DNAJC13: variants seen among roughly 807,000 people sequenced by gnomAD.
DNAJC13 encodes dnaJ homolog subfamily C member 13.
Under a neutral mutation model 290.5 loss-of-function variants are expected in DNAJC13, and 75 were observed. The observed-to-expected ratio is 0.26, with a 90% CI of 0.21 to 0.31. DNAJC13 has a LOEUF of 0.31. Ranked by LOEUF, DNAJC13 falls within the 10% of genes least tolerant of loss-of-function variation. DNAJC13 has a pLI of 1.00. For missense variants in DNAJC13, 2,260 were observed against 2,674.5 expected, an observed-to-expected ratio of 0.85 and a Z score of 3.42; for synonymous variants, 862 against 892.0, an observed-to-expected ratio of 0.97 and a Z score of 0.60.
rs1034896869 is a variant in DNAJC13 at position 132,449,685 on chromosome 3, T to A, written c.337-962T>A. On this transcript the variant is annotated intron_variant, in intron 5 of 55. Transcript: ENST00000260818. ...TTACTTAGTGCTTCACTCTCTTTTC[T>A]GAAAACCTAGAAGATAATTTCTTAT... Among the ~76,000 whole-genome samples, 3 of 152,196 alleles carry A rather than the reference T, an allele frequency of 2.0e-5. No homozygotes were observed. The East Asian group carries it at 5.8e-4, about 29-fold the overall frequency.
chr3:132,503,461 T>C (rs1333847691), intron 41 of DNAJC13, 80 bp downstream of exon 41: 28 of 1,480,784 alleles, frequency 1.9e-5, no homozygotes, highest in Non-Finnish European at 2.4e-5. Context: ...ATAATATTGA[T>C]CTAGGGAACC....
At chr3:132,471,644 G>T (rs1251582285) in intron 20 of DNAJC13, among the ~76,000 whole-genome samples, 1 of 132,788 alleles carries the variant, frequency 7.5e-6, no homozygotes, top group Non-Finnish European at 1.6e-5. Flanking sequence ...CATCTCAGAC[G>T]ATGGGCGGCC....
intron 1 of DNAJC13, among the ~76,000 whole-genome samples, chr3:132,423,846 G>A (rs752311267): frequency 4.6e-5 from 7 of 152,098 alleles, no homozygotes; most frequent in Non-Finnish European, 8.8e-5. Flanking sequence ...ATTTAGTCCC[G>A]CATTATGCAT....
chr3:132,460,199 G>A (rs1213204539), intron 13 of DNAJC13, 51 bp from the exon 14 acceptor site: 3 of 1,230,230 alleles, frequency 2.4e-6, no homozygotes, highest in Non-Finnish European at 3.5e-6. Flanking sequence ...CGTGATGCTA[G>A]CACATGGGAC....
At chr3:132,424,993 T>G (rs562740864) in intron 1 of DNAJC13, among the ~76,000 whole-genome samples, 2 of 152,256 alleles carry the variant, frequency 1.3e-5, no homozygotes, top group Admixed American at 6.5e-5. Flanking sequence ...CTAAACAGTT[T>G]AGTTGTAGCT....
In DNAJC13 at chr3:132,516,722, TG is replaced by T. The variant is rs1325923643; in HGVS notation, c.5581del (p.Asp1861IlefsTer22). 2 of 1,612,694 alleles carry T rather than the reference TG, an allele frequency of 1.2e-6. No individual in the cohort carries two copies. Among genetic ancestry groups the T allele is most frequent in the African/African-American group, 2.7e-5 (2 of 74,854 alleles). On this transcript the variant is annotated frameshift_variant, in exon 48 of 56. Coordinates refer to ENST00000260818, the MANE Select transcript of DNAJC13 (RefSeq NM_015268.4). LOFTEE classifies it high-confidence loss of function. ...TTCATAGGTGCTTTGATCTATTTAC[TG>T]GATATGTTCTGCAATTCAACACATC... ...AMAKGALIYLLDMFCNSTHPQ... is the reference protein window; with the variant it reads ...AMAKGALIYLXDMFCNSTHPQ...
At chr3:132,479,921 A>G (rs547424905) in intron 25 of DNAJC13, among the ~76,000 whole-genome samples, 1 of 152,300 alleles carries the variant, frequency 6.6e-6, no homozygotes, top group Non-Finnish European at 1.5e-5. Flanking sequence ...TTATAAGTAC[A>G]AAGAAATTTT....
Position 132,467,214 on chromosome 3 carries a change from A to G in DNAJC13, c.2109A>G (p.Leu703=). 6.2e-7 allele frequency: 1 copy of G among 1,614,006 alleles called. No individual in the cohort carries two copies. The highest frequency in any genetic ancestry group is 8.5e-7 in the Non-Finnish European group (1 of 1,179,934). ...KFNKVPEWQR[L]AGKAAKEVEK... is the part of the protein sequence containing the mutation. ...ATAAAGTTCCAGAGTGGCAAAGACT[A>G]GCTGGAAAAGCTGCTAAAGAAGTTG... The change falls in exon 20 of 56, where the codon CTA becomes CTG. Residue 703 remains leucine, a synonymous_variant. Coordinates refer to ENST00000260818, the MANE Select transcript of DNAJC13 (RefSeq NM_015268.4).
At chr3:132,484,313 C>A (rs1265767931) in intron 28 of DNAJC13, 1 of 495,020 alleles carries the variant, frequency 2.0e-6, no homozygotes, top group Admixed American at 2.8e-5. Flanking sequence ...TGTTGAACAA[C>A]ACCAAGTTTA....
chr3:132,516,002 C>T (rs1045460336), intron 46 of DNAJC13, among the ~76,000 whole-genome samples: 2 of 152,140 alleles, frequency 1.3e-5, no homozygotes, highest in African/African-American at 4.8e-5. Flanking sequence ...GAATGGAACC[C>T]GGTCTTACAA....
At chr3:132,433,801 T>G (rs537483145) in intron 1 of DNAJC13, among the ~76,000 whole-genome samples, 1 of 152,242 alleles carries the variant, frequency 6.6e-6, no homozygotes, top group Non-Finnish European at 1.5e-5. Flanking sequence ...GGGATGTTGA[T>G]AGAGGTCATT....
chr3:132,531,112 A>G lies in DNAJC13; in HGVS notation c.6625+15A>G. The G allele has an allele frequency of 6.2e-7, 1 of 1,610,780 alleles. No individual in the cohort carries two copies. Among genetic ancestry groups the G allele is most frequent in the East Asian group, 2.2e-5 (1 of 44,826 alleles). On this transcript the variant is annotated intron_variant, in intron 55 of 55. Transcript: ENST00000260818. ...ATACCTCACAGGTAAGCCATACCTA[A>G]TTGGTTATTGTAAGACACCTGGCAG...
intron 48 of DNAJC13, among the ~76,000 whole-genome samples, chr3:132,517,978 T>C (rs1351154290): frequency 2.0e-5 from 3 of 152,224 alleles, no homozygotes; most frequent in East Asian, 3.8e-4. Context: ...ATAAAATAGT[T>C]AATATTGAAT....
chr3:132,481,187 T>C (rs907254553), intron 26 of DNAJC13, among the ~76,000 whole-genome samples: 3 of 152,246 alleles, frequency 2.0e-5, no homozygotes, highest in Admixed American at 6.5e-5. Flanking sequence ...GAAGTCTATA[T>C]GCTCATAACA....
In DNAJC13 at chr3:132,503,186, T is replaced by C. The variant is rs906808543; in HGVS notation, c.4717-28T>C. 4 of 1,610,242 alleles carry C rather than the reference T, an allele frequency of 2.5e-6. No homozygotes were observed. In the Admixed American group the frequency reaches 5.0e-5, roughly 20 times the overall value. On this transcript the variant is annotated intron_variant, in intron 40 of 55. Transcript: ENST00000260818. ...TACCTATGTAAGATAACAGATCTAC[T>C]TTAACAACTTAATTTTTTTTATAAC...
At chr3:132,451,741 C>T (rs2107665038) in intron 6 of DNAJC13, among the ~76,000 whole-genome samples, 1 of 152,234 alleles carries the variant, frequency 6.6e-6, no homozygotes, top group Admixed American at 6.5e-5. Context: ...CTGTTGGTAG[C>T]AGAGCCAAAG....
At chr3:132,520,605 T>C (rs1031963151) in intron 48 of DNAJC13, among the ~76,000 whole-genome samples, 12 of 152,352 alleles carry the variant, frequency 7.9e-5, no homozygotes, top group East Asian at 1.9e-4. Context: ...GAAGAGACTT[T>C]TGATTTTGTA....
chr3:132,523,114 A>AT, intron 49 of DNAJC13, 43 bp from the exon 50 acceptor site: 1 of 1,613,100 alleles, frequency 6.2e-7, no homozygotes. Flanking sequence ...ATGAAAATGT[A>AT]TTTGTGACTG....
chr3:132,464,843 C>G (rs1347977850), intron 17 of DNAJC13, among the ~76,000 whole-genome samples: 2 of 152,054 alleles, frequency 1.3e-5, no homozygotes, highest in East Asian at 3.8e-4. Context: ...AGTTAAATTC[C>G]CTACTGTGAT....
Sources: allele counts gnomAD v4.1 joint callset (sites outside exome capture counted in the v4.1 genomes callset), GRCh38; gene constraint gnomAD v4.1.1; transcripts MANE v1.5; gene names NCBI Gene and HGNC (gene_info 2026-07-23, HGNC 2026-07-21).